Variants in SPATA13 observed in about 807,000 individuals in gnomAD.
SPATA13 encodes the protein spermatogenesis-associated protein 13.
Under a neutral mutation model 104.0 loss-of-function variants are expected in SPATA13, and 50 were observed. The observed-to-expected ratio is 0.48, with a 90% CI of 0.38 to 0.61. SPATA13 has a LOEUF of 0.61. SPATA13 is among the 20% of genes least tolerant of loss of function. SPATA13 has a pLI of 0.00. For missense variants in SPATA13, 1,524 were observed against 1,690.6 expected (o/e 0.90, Z 1.73); for synonymous variants, 606 against 667.5 (o/e 0.91, Z 1.42).
At chr13:24,111,411 GCCACCC>G (rs1179359786) in intron 3 of SPATA13, among the ~76,000 whole-genome samples, 3 of 143,570 alleles carry the variant, frequency 2.1e-5, no homozygotes, top group Non-Finnish European at 4.5e-5. Flanking sequence ...GTCCTGCCCC[GCCACCC>G]CCACCCCAGA....
chr13:24,036,267 C>T (rs778603715), intron 3 of SPATA13, among the ~76,000 whole-genome samples: 23 of 152,294 alleles, frequency 1.5e-4, no homozygotes, highest in Middle Eastern at 3.4e-3. Context: ...TTTTGCAAAT[C>T]TCCCTGGCGT....
intron 1 of SPATA13, among the ~76,000 whole-genome samples, chr13:24,187,510 T>A (rs1460749330): frequency 1.3e-5 from 2 of 152,220 alleles, no homozygotes; most frequent in East Asian, 3.8e-4. Flanking sequence ...TTTTACAAAC[T>A]GAGGGTTTGT....
intron 3 of SPATA13, among the ~76,000 whole-genome samples, chr13:24,026,962 G>A (rs1700764340): frequency 6.6e-6 from 1 of 151,752 alleles, no homozygotes; most frequent in Admixed American, 6.6e-5. Flanking sequence ...TAGTTTTTGA[G>A]GGTACTCTGT....
rs76086924 is a variant in SPATA13, at chr13:24,141,502, C to G, written c.-111-81317C>G. ...CTCCTCAAAGCCTTCCTTGACTCCT[C>G]CAGCTGAGCTCTAATCCTTCTCTCT... On this transcript the variant is annotated intron_variant, in intron 3 of 14. Transcript: ENST00000424834. Among the ~76,000 whole-genome samples, 1,300 of 152,320 alleles carry G rather than the reference C, an allele frequency of 8.5e-3. 18 individuals are homozygous for G. Among genetic ancestry groups the G allele is most frequent in the African/African-American group, 0.029 (1,201 of 41,566 alleles).
chr13:24,246,670 C>CA (rs1214420080), intron 2 of SPATA13, among the ~76,000 whole-genome samples: 4 of 152,126 alleles, frequency 2.6e-5, no homozygotes, highest in Non-Finnish European at 4.4e-5. Flanking sequence ...CCATTCTGGC[C>CA]AACATGGTGA....
intron 3 of SPATA13, among the ~76,000 whole-genome samples, chr13:24,056,798 A>G (rs1174738499): frequency 6.6e-6 from 1 of 152,004 alleles, no homozygotes; most frequent in Non-Finnish European, 1.5e-5. Flanking sequence ...GTCTGATAAG[A>G]TTTCCAAGCT....
chr13:24,132,907 G>A (rs1881433882), intron 3 of SPATA13, among the ~76,000 whole-genome samples: 1 of 152,126 alleles, frequency 6.6e-6, no homozygotes, highest in African/African-American at 2.4e-5. Context: ...CCTGGGGGGT[G>A]GAGATTGCAA....
intron 3 of SPATA13, among the ~76,000 whole-genome samples, chr13:24,024,356 CGGATGGAT>C (rs71070644): frequency 1.3e-5 from 2 of 150,874 alleles, no homozygotes; most frequent in Non-Finnish European, 3.0e-5. Flanking sequence ...AATGGATGGA[CGGATGGAT>C]GGATGGATGG....
intron 3 of SPATA13, among the ~76,000 whole-genome samples, chr13:24,107,773 G>A (rs1880501655): frequency 6.6e-6 from 1 of 152,138 alleles, no homozygotes; most frequent in African/African-American, 2.4e-5. Flanking sequence ...TTCTGTTTTA[G>A]ACTTTGGTGG....
chr13:23,993,540 C>G (rs765555352), intron 2 of SPATA13, among the ~76,000 whole-genome samples: 1 of 152,180 alleles, frequency 6.6e-6, no homozygotes, highest in Non-Finnish European at 1.5e-5. Context: ...TGCTTGATGC[C>G]AGTTTCTGCC....
intron 2 of SPATA13, among the ~76,000 whole-genome samples, chr13:24,003,973 A>G (rs1342692487): frequency 2.6e-5 from 4 of 152,310 alleles, no homozygotes; most frequent in African/African-American, 9.6e-5. Flanking sequence ...CACTTGCTTC[A>G]TATACATACA....
intron 2 of SPATA13, among the ~76,000 whole-genome samples, chr13:24,225,904 C>T (rs1437407426): frequency 6.6e-6 from 1 of 152,180 alleles, no homozygotes; most frequent in African/African-American, 2.4e-5. Context: ...CACCATTGGG[C>T]AGGTTCCACA....
chr13:24,208,023 T>G (rs529337898), intron 1 of SPATA13, among the ~76,000 whole-genome samples: 2 of 152,328 alleles, frequency 1.3e-5, no homozygotes, highest in East Asian at 3.9e-4. Context: ...TTTAGGGAAG[T>G]TGGAGCCGCA....
intron 5 of SPATA13, among the ~76,000 whole-genome samples, chr13:24,284,818 C>T (rs1875806215): frequency 1.3e-5 from 2 of 152,158 alleles, no homozygotes; most frequent in African/African-American, 4.8e-5. Context: ...ATAAAGAATA[C>T]CCTCCCCTCC....
chr13:24,159,110 A>AC (rs5802265), upstream of SPATA13, among the ~76,000 whole-genome samples: 127,842 of 151,620 alleles, frequency 0.84, 54,959 homozygotes, highest in Middle Eastern at 0.94. Flanking sequence ...TAATAAAAAA[A>AC]CCCTCAATTT....
At chr13:24,295,873 G>A (rs537257389) in intron 10 of SPATA13, among the ~76,000 whole-genome samples, 2 of 152,248 alleles carry the variant, frequency 1.3e-5, no homozygotes. Flanking sequence ...GCACAGAAAG[G>A]TTAAATAACT....
intron 8 of SPATA13, among the ~76,000 whole-genome samples, chr13:24,290,168 G>A (rs1037998912): frequency 3.3e-5 from 5 of 152,172 alleles, no homozygotes; most frequent in African/African-American, 1.2e-4. Flanking sequence ...GGGTCTTGGC[G>A]GGCCCAGCCA....
Position 24,054,067 on chromosome 13 carries a change from C to T in SPATA13, c.-112+36366C>T, listed in dbSNP as rs568021754. Among the ~76,000 whole-genome samples, 8 of 152,206 alleles carry T rather than the reference C, an allele frequency of 5.3e-5. No individual in the cohort carries two copies. In the South Asian group the frequency reaches 1.7e-3, roughly 32 times the overall value. The stretch of plus-strand genomic sequence containing the variant: ...CACTCTGAAGAACAGGCACCCTGTG[C>T]TCAGGGCCACCGTGAACCATGGAGA... On this transcript the variant is annotated intron_variant, in intron 3 of 14. Coordinates refer to the SPATA13 transcript ENST00000424834.
At chr13:24,022,314 G>A (rs1298789809) in intron 3 of SPATA13, among the ~76,000 whole-genome samples, 1 of 152,142 alleles carries the variant, frequency 6.6e-6, no homozygotes, top group African/African-American at 2.4e-5. Context: ...TGGGATTATA[G>A]GCGTGAGCCA....
Sources: allele counts gnomAD v4.1 joint callset (sites outside exome capture counted in the v4.1 genomes callset), GRCh38; gene constraint gnomAD v4.1.1; transcripts MANE v1.5; gene names NCBI Gene and HGNC (gene_info 2026-07-23, HGNC 2026-07-21).